CD109: variants seen among roughly 807,000 people sequenced by gnomAD.
CD109 encodes CD109 antigen.
A neutral mutation model predicts 165.8 loss-of-function variants in CD109; 149 were observed. That is an observed-to-expected ratio of 0.90 (90% CI 0.79 to 1.03). The LOEUF (loss-of-function observed/expected upper bound fraction) is 1.03. Ranked by LOEUF, CD109 falls within the 50% of genes least tolerant of loss-of-function variation. The pLI is 0.00. For synonymous variants in CD109, 585 were observed against 592.1 expected (o/e 0.99, Z 0.18); for missense variants, 1,712 against 1,677.8 (o/e 1.02, Z -0.36).
At chr6:73,764,612 C>G (rs545277772) in intron 10 of CD109, among the ~76,000 whole-genome samples, 1 of 151,736 alleles carries the variant, frequency 6.6e-6, no homozygotes, top group Admixed American at 6.6e-5. Flanking sequence ...GTTAGGAGTT[C>G]GAGACCAGCC....
chr6:73,769,217 A>G (rs1582130364), intron 14 of CD109, among the ~76,000 whole-genome samples: 1 of 152,142 alleles, frequency 6.6e-6, no homozygotes, highest in East Asian at 1.9e-4. Context: ...GAGAATTATT[A>G]CTCTCACTTT....
upstream of CD109, among the ~76,000 whole-genome samples, chr6:73,693,577 G>A (rs150480938): frequency 6.6e-6 from 1 of 152,282 alleles, no homozygotes; most frequent in Non-Finnish European, 1.5e-5. Context: ...TTGAGACAGA[G>A]TCTTGCTCTG....
chr6:73,736,512 A>C lies in CD109; in HGVS notation c.633+4A>C, dbSNP rs1772552183. The C allele has an allele frequency of 6.2e-7, 1 of 1,606,040 alleles. No individual in the cohort carries two copies. The highest frequency in any genetic ancestry group is 1.3e-5 in the African/African-American group (1 of 74,446). On this transcript the variant is annotated splice_donor_region_variant and intron_variant, in intron 5 of 32. Coordinates refer to ENST00000287097, the MANE Select transcript of CD109 (RefSeq NM_133493.5). ...GTCTATTCAAGTTCAAGTGAATGTG[A>C]GTATAAATATATTTTTTGGGGGGAA... is the stretch of plus-strand genomic sequence containing the variant.
chr6:73,706,804 A>T (rs954428174), intron 2 of CD109, among the ~76,000 whole-genome samples: 6 of 152,190 alleles, frequency 3.9e-5, no homozygotes, highest in African/African-American at 1.4e-4. Context: ...ATTTTTAAAG[A>T]ACACCTAGTA....
chr6:73,679,364 T>A, the CD109 span, among the ~76,000 whole-genome samples: 1 of 151,940 alleles, frequency 6.6e-6, no homozygotes, highest in African/African-American at 2.4e-5. Context: ...TGTAAAGGAA[T>A]CACCATTGTT....
At chr6:73,789,049 G>A (rs1204959151) in intron 22 of CD109, among the ~76,000 whole-genome samples, 1 of 152,178 alleles carries the variant, frequency 6.6e-6, no homozygotes, top group East Asian at 1.9e-4. Context: ...ATCTTCTAAG[G>A]AGCTCTGTAA....
upstream of CD109, among the ~76,000 whole-genome samples, chr6:73,691,615 A>G (rs1770694305): frequency 6.6e-6 from 1 of 152,202 alleles, no homozygotes; most frequent in Non-Finnish European, 1.5e-5. Context: ...TAAGATGGAC[A>G]TGGGTTCCAC....
At chr6:73,763,532 G>T in intron 9 of CD109, 44 bp from the exon 10 acceptor site, 1 of 1,126,120 alleles carries the variant, frequency 8.9e-7, no homozygotes, top group Non-Finnish European at 1.3e-6. Context: ...AGCTTTGGGT[G>T]AAACATTACT....
At chr6:73,818,295 A>C (rs949602279) in intron 30 of CD109, 93 bp from the exon 31 acceptor site, 1 of 1,324,750 alleles carries the variant, frequency 7.5e-7, no homozygotes, top group African/African-American at 1.5e-5. Flanking sequence ...TTGGAATAAC[A>C]TTTGGTGGGT....
chr6:73,728,505 T>C (rs1021563221), intron 3 of CD109, among the ~76,000 whole-genome samples: 1 of 152,262 alleles, frequency 6.6e-6, no homozygotes, highest in African/African-American at 2.4e-5. Flanking sequence ...ATTAACATTT[T>C]ACTATACTTG....
the CD109 span, among the ~76,000 whole-genome samples, chr6:73,686,341 G>C: frequency 6.6e-6 from 1 of 152,122 alleles, no homozygotes; most frequent in African/African-American, 2.4e-5. Context: ...TTTGTTGAAG[G>C]AATTGGATTA....
Position 73,815,026 on chromosome 6 carries a change from C to A in CD109, c.3814C>A (p.Arg1272=). ...NVKASGSSRR[R]RSIQNQEAFD... is the part of the protein sequence containing the mutation. ...GAAGGCTTCTGGGTCTTCTAGAAGA[C>A]GAAGATCTATCCAAAATCAAGAAGC... The change falls in exon 30 of 33, where the codon CGA becomes AGA. Residue 1272 remains arginine (R), a synonymous_variant. Coordinates refer to ENST00000287097, the MANE Select transcript of CD109 (RefSeq NM_133493.5). 6.3e-7 allele frequency: 1 copy of A among 1,582,820 alleles called. No homozygotes were observed. Among genetic ancestry groups the A allele is most frequent in the Non-Finnish European group, 8.5e-7 (1 of 1,169,778 alleles).
At chr6:73,767,109 A>G (rs1773883926) in intron 13 of CD109, 99 bp downstream of exon 13, 2 of 934,008 alleles carry the variant, frequency 2.1e-6, no homozygotes, top group Admixed American at 2.3e-5. Context: ...TTATATAGCT[A>G]AACTCATGTC....
chr6:73,762,946 T>C (rs1773690806), intron 9 of CD109, 64 bp downstream of exon 9: 3 of 1,381,348 alleles, frequency 2.2e-6, no homozygotes, highest in Non-Finnish European at 2.9e-6. Flanking sequence ...TCTTTCTTAT[T>C]ATAACTGGCA....
Position 73,766,796 on chromosome 6 carries a change from A to G in CD109, c.1370A>G (p.His457Arg), listed in dbSNP as rs1773869907. ...FLGSKSSMAV[H>R]SLFKSPSKTY... ...GGTAGTAAAAGTAGCATGGCAGTTC[A>G]TAGTCTGTTTAAGTCTCCTAGTAAG... The change falls in exon 12 of 33, where the codon CAT becomes CGT. Residue 457 changes from histidine to arginine, a missense_variant. By Grantham distance (29) the His-to-Arg change is conservative. Transcript: ENST00000287097. 6.2e-7 allele frequency: 1 copy of G among 1,613,166 alleles called. No individual in the cohort carries two copies. The highest frequency in any genetic ancestry group is 1.7e-5 in the Admixed American group (1 of 59,990).
At chr6:73,753,062 A>T (rs1313736181) in intron 5 of CD109, among the ~76,000 whole-genome samples, 1 of 150,848 alleles carries the variant, frequency 6.6e-6, no homozygotes, top group Non-Finnish European at 1.5e-5. Flanking sequence ...AGGTTAGCAA[A>T]CCCTGGCAGA....
chr6:73,791,164 T>TATATACAC (rs1562070959), intron 22 of CD109, among the ~76,000 whole-genome samples: 1 of 64,144 alleles, frequency 1.6e-5, no homozygotes, highest in African/African-American at 7.3e-5. Context: ...TATATATATA[T>TATATACAC]ATATATATAT....
At chr6:73,687,581 C>G in the CD109 span, among the ~76,000 whole-genome samples, 1 of 151,766 alleles carries the variant, frequency 6.6e-6, no homozygotes, top group East Asian at 1.9e-4. Flanking sequence ...GCAAATTTTG[C>G]TAACTGTCTG....
rs113271287 is a variant in CD109, at chr6:73,744,034, T to C, written c.633+7526T>C. On this transcript the variant is annotated intron_variant, in intron 5 of 32. Transcript: ENST00000287097. Reference sequence around the variant, plus strand: ...ATCAGTGTAGCGTTATTTTCGTTTTTTAAAAACTGTGGTAAGATATATATG... The same window carrying C: ...ATCAGTGTAGCGTTATTTTCGTTTTCTAAAAACTGTGGTAAGATATATATG... 1.6e-3 allele frequency among the ~76,000 whole-genome samples: 241 copies of C among 152,358 alleles called. 1 individual carries two copies. The highest frequency in any genetic ancestry group is 3.1e-3 in the Non-Finnish European group (214 of 68,036).
Sources: allele counts gnomAD v4.1 joint callset (sites outside exome capture counted in the v4.1 genomes callset), GRCh38; gene constraint gnomAD v4.1.1; transcripts MANE v1.5; gene names NCBI Gene and HGNC (gene_info 2026-07-23, HGNC 2026-07-21).